Variants in RNF115 observed in about 807,000 individuals in gnomAD.
The protein encoded by RNF115 is E3 ubiquitin-protein ligase RNF115.
In RNF115, 31 loss-of-function variants were observed where a neutral mutation model predicts 39.2. The observed-to-expected ratio is 0.79, with a 90% CI of 0.59 to 1.07. The LOEUF (loss-of-function observed/expected upper bound fraction) is 1.07. Ranked by LOEUF, RNF115 falls within the 50% of genes least tolerant of loss-of-function variation. The pLI is 0.00. For synonymous variants in RNF115, 124 were observed against 131.0 expected (o/e 0.95, Z 0.37); for missense variants, 384 against 381.7 (o/e 1.01, Z -0.05).
chr1:145,774,056 G>A (rs1647769155), intron 3 of RNF115, among the ~76,000 whole-genome samples: 1 of 152,046 alleles, frequency 6.6e-6, no homozygotes, highest in South Asian at 2.1e-4. Context: ...GTATTTGCTT[G>A]GCTGCTGTAA....
chr1:145,812,912 T>A (rs1258543014), intron 1 of RNF115, among the ~76,000 whole-genome samples: 1 of 146,680 alleles, frequency 6.8e-6, no homozygotes, highest in Non-Finnish European at 1.5e-5. Context: ...TTAGCCACCA[T>A]ACCTGTCCTA....
chr1:145,799,267 C>T (rs1281939338), intron 1 of RNF115, among the ~76,000 whole-genome samples: 1 of 151,996 alleles, frequency 6.6e-6, no homozygotes, highest in African/African-American at 2.4e-5. Flanking sequence ...GGGGTTTCAC[C>T]ATGTTGGCCA....
At position 145,740,499 on chromosome 1, in the gene RNF115, ATG is replaced by A. The variant is rs1190933550; in HGVS notation, c.*6365_*6366del. 2 of 152,276 alleles carry A rather than the reference ATG, an allele frequency of 1.3e-5. No homozygotes were observed. The highest frequency in any genetic ancestry group is 2.9e-5 in the Non-Finnish European group (2 of 68,056). The allele number at this position is 152,276 out of a possible 1,614,324, so 9.4% of individuals were successfully genotyped here. A position where few individuals can be genotyped will look rare whatever the true frequency, so the allele number is the denominator to read the frequency against. ...AAATACTTGTGTCTTGGCTTTCAAA[ATG>A]TGTTGATACAATTGCCTTCAAATAA... On this transcript the variant is annotated 3_prime_UTR_variant, in exon 9 of 9. Transcript: ENST00000582693.
At chr1:145,788,828 A>G in intron 2 of RNF115, 80 bp downstream of exon 2, 1 of 1,030,190 alleles carries the variant, frequency 9.7e-7, no homozygotes, top group South Asian at 1.3e-5. Context: ...TGTAAAACAA[A>G]TTCAACTTAC....
chr1:145,820,734 CA>C (rs1650200162), intron 1 of RNF115, among the ~76,000 whole-genome samples: 2 of 150,872 alleles, frequency 1.3e-5, no homozygotes, highest in African/African-American at 4.9e-5. Context: ...GACTCAGTCT[CA>C]AAAAAAGAAA....
chr1:145,743,786 AT>A lies in RNF115; in HGVS notation c.*3079del, dbSNP rs67896559. On this transcript the variant is annotated 3_prime_UTR_variant, in exon 9 of 9. Transcript: ENST00000582693. ...ACAGAGCAAGCCTCCATCTCAAAAA[AT>A]AAATAAATAAATAAATAAATAAATA... The A allele has an allele frequency of 0.56, 68,863 of 122,356 alleles. 17,490 individuals are homozygous for A. Among genetic ancestry groups the A allele is most frequent in the East Asian group, 0.72 (3,380 of 4,664 alleles). The allele number at this position is 122,356 out of a possible 1,614,324, so 7.6% of individuals were successfully genotyped here.
At chr1:145,761,336 C>A (rs1553713803) in intron 4 of RNF115, among the ~76,000 whole-genome samples, 1 of 152,220 alleles carries the variant, frequency 6.6e-6, no homozygotes, top group Non-Finnish European at 1.5e-5. Context: ...ACCTTCACAG[C>A]AGCCCCTCCC....
chr1:145,777,449 C>T (rs1462506909), intron 3 of RNF115, among the ~76,000 whole-genome samples: 1 of 152,108 alleles, frequency 6.6e-6, no homozygotes, highest in African/African-American at 2.4e-5. Flanking sequence ...TTAATAGTAA[C>T]AGTCAATGTA....
intron 1 of RNF115, among the ~76,000 whole-genome samples, chr1:145,793,761 A>G: frequency 6.6e-6 from 1 of 151,780 alleles, no homozygotes; most frequent in Middle Eastern, 3.4e-3. Flanking sequence ...CATTTCCCAC[A>G]TCTACATACT....
chr1:145,757,978 T>A (rs1680662), intron 4 of RNF115, among the ~76,000 whole-genome samples: 1 of 151,958 alleles, frequency 6.6e-6, no homozygotes, highest in African/African-American at 2.4e-5. Flanking sequence ...TGATAGATTT[T>A]GGGAGGAAGT....
At chr1:145,753,173 A>T in intron 4 of RNF115, 124 bp from the exon 5 acceptor site, 1 of 634,976 alleles carries the variant, frequency 1.6e-6, no homozygotes, top group Non-Finnish European at 2.8e-6. Flanking sequence ...GCTAGTACAC[A>T]AGAGACAGCA....
intron 1 of RNF115, among the ~76,000 whole-genome samples, chr1:145,793,842 C>CTTT (rs11304765): frequency 3.7e-5 from 5 of 135,796 alleles, no homozygotes; most frequent in African/African-American, 5.5e-5. Context: ...TACCCTCTTT[C>CTTT]TTTTTTTTTT....
At chr1:145,800,902 G>T (rs1256718978) in intron 1 of RNF115, among the ~76,000 whole-genome samples, 1 of 152,190 alleles carries the variant, frequency 6.6e-6, no homozygotes, top group Non-Finnish European at 1.5e-5. Context: ...GGGCGCAGTG[G>T]CTCATGCCTG....
In RNF115 at chr1:145,743,572, G is replaced by C. The variant is rs1229665888; in HGVS notation, c.*3294C>G. 1.3e-5 allele frequency: 2 copies of C among 152,064 alleles called. No homozygotes were observed. The highest frequency in any genetic ancestry group is 2.9e-5 in the Non-Finnish European group (2 of 68,058). 9.4% of individuals were successfully genotyped at this position (152,064 alleles called of 1,614,324 possible). On this transcript the variant is annotated 3_prime_UTR_variant, in exon 9 of 9. Coordinates refer to ENST00000582693, the MANE Select transcript of RNF115 (RefSeq NM_014455.4). Reference sequence around the variant, plus strand: ...CGACTGGCAGATCACCTGAGGTCTAGAGTTCAAGACCAGCCTGGCCAACAA... The same window carrying C: ...CGACTGGCAGATCACCTGAGGTCTACAGTTCAAGACCAGCCTGGCCAACAA...
chr1:145,824,027 A>C lies in RNF115; in HGVS notation c.-154T>G. The C allele has an allele frequency of 3.8e-6, 2 of 530,634 alleles. No individual in the cohort carries two copies. Among genetic ancestry groups the C allele is most frequent in the Non-Finnish European group, 6.3e-6 (2 of 318,024 alleles). The allele number at this position is 530,634 out of a possible 1,614,324, so 32.9% of individuals were successfully genotyped here. The stretch of plus-strand genomic sequence containing the variant: ...GTCACGTGAGTTGGCCAGGCCCAGA[A>C]ACGCGGCGGCGCCAACAGCTACCCT... On this transcript the variant is annotated 5_prime_UTR_variant, in exon 1 of 9. Transcript: ENST00000582693.
At chr1:145,748,250 C>T in intron 7 of RNF115, 140 bp from the exon 8 acceptor site, 1 of 611,358 alleles carries the variant, frequency 1.6e-6, no homozygotes, top group Non-Finnish European at 3.0e-6. Context: ...AAGTAGCAGG[C>T]AGCTAAGAGG....
chr1:145,808,467 G>C (rs765321308), intron 1 of RNF115, among the ~76,000 whole-genome samples: 12 of 152,020 alleles, frequency 7.9e-5, no homozygotes, highest in Non-Finnish European at 1.6e-4. Flanking sequence ...TCATATACCT[G>C]TTGGCCATTT....
Position 145,740,101 on chromosome 1 carries a change from G to A in RNF115, c.*6765C>T, listed in dbSNP as rs1422558720. 1 of 152,074 alleles carries A rather than the reference G, an allele frequency of 6.6e-6. No individual in the cohort carries two copies. 9.4% of individuals were successfully genotyped at this position (152,074 alleles called of 1,614,324 possible). On this transcript the variant is annotated 3_prime_UTR_variant, in exon 9 of 9. Transcript: ENST00000582693. ...ACCTGTTTTAAATAGTTAGTTCTGT[G>A]TTTCTAACTAAATAATAAACTCACA...
At chr1:145,773,789 C>T (rs1279738832) in intron 3 of RNF115, 4 of 150,740 alleles carry the variant, frequency 2.7e-5, no homozygotes, top group African/African-American at 9.9e-5. Context: ...ATTGTTTGCC[C>T]TGTTTTTTTT....
Sources: gnomAD v4.1 joint callset for allele counts (sites outside exome capture counted in the v4.1 genomes callset) on GRCh38, gnomAD v4.1.1 for gene constraint, MANE v1.5 for transcripts, NCBI Gene and HGNC (gene_info 2026-07-23, HGNC 2026-07-21) for gene names.